The following DMRT1 variants were observed in gnomAD, a reference collection of about 807,000 sequenced individuals.
DMRT1 encodes the protein doublesex and mab-3 related transcription factor 1, also known as doublesex- and mab-3-related transcription factor 1.
DMRT1 carries 7 observed loss-of-function variants against 32.3 expected under a neutral mutation model. The observed-to-expected ratio is 0.22, with a 90% CI of 0.12 to 0.41. The LOEUF is 0.41. Ranked by LOEUF, DMRT1 falls within the 10% of genes least tolerant of loss-of-function variation. DMRT1 has a pLI of 1.00. For synonymous variants in DMRT1, 278 were observed against 206.1 expected, an observed-to-expected ratio of 1.35 and a Z score of -2.99; for missense variants, 625 against 500.5, an observed-to-expected ratio of 1.25 and a Z score of -2.37.
At chr9:943,159 A>G (rs1419068769) in intron 4 of DMRT1, among the ~76,000 whole-genome samples, 2 of 152,242 alleles carry the variant, frequency 1.3e-5, no homozygotes, top group Admixed American at 6.5e-5. Flanking sequence ...AGAAAAGCCA[A>G]CATAAAATTG....
chr9:880,552 C>A (rs908876435), intron 2 of DMRT1, among the ~76,000 whole-genome samples: 1 of 151,652 alleles, frequency 6.6e-6, no homozygotes, highest in African/African-American at 2.4e-5. Context: ...TATGGTGAAT[C>A]CCTGTCTCTA....
At chr9:939,634 T>G (rs1031251660) in intron 4 of DMRT1, among the ~76,000 whole-genome samples, 6 of 152,248 alleles carry the variant, frequency 3.9e-5, no homozygotes, top group African/African-American at 1.4e-4. Context: ...TATTCTCTGC[T>G]TAACTCCTAT....
At chr9:867,352 G>T (rs6477319) in intron 2 of DMRT1, among the ~76,000 whole-genome samples, 76,423 of 151,966 alleles carry the variant, frequency 0.5, 19,650 homozygotes, top group East Asian at 0.6. Flanking sequence ...TTCCTCTCTG[G>T]GAAGCCAGGA....
intron 2 of DMRT1, among the ~76,000 whole-genome samples, chr9:870,403 A>AAACTAACAACAAC (rs77281108): frequency 0.013 from 1,924 of 151,270 alleles, 19 homozygotes; most frequent in Middle Eastern, 0.024. Context: ...CTGTCTCAAA[A>AAACTAACAACAAC]AACAACAACA....
intron 4 of DMRT1, among the ~76,000 whole-genome samples, chr9:942,966 C>T (rs1362712705): frequency 6.6e-6 from 1 of 152,092 alleles, no homozygotes; most frequent in Non-Finnish European, 1.5e-5. Context: ...CCAGATCTGA[C>T]TTTAAACCTC....
chr9:859,393 G>A (rs563651015), intron 2 of DMRT1, among the ~76,000 whole-genome samples: 211 of 152,256 alleles, frequency 1.4e-3, no homozygotes, highest in African/African-American at 4.8e-3. Flanking sequence ...AGTGCCCTTA[G>A]TTGTACCGTG....
At chr9:957,125 G>A (rs570840618) in intron 4 of DMRT1, among the ~76,000 whole-genome samples, 20 of 151,930 alleles carry the variant, frequency 1.3e-4, no homozygotes, top group African/African-American at 4.1e-4. Context: ...AGTGTTGATC[G>A]CTGCCATCTT....
chr9:851,275 A>G (rs1269285080), intron 2 of DMRT1, among the ~76,000 whole-genome samples: 2 of 152,068 alleles, frequency 1.3e-5, no homozygotes, highest in East Asian at 1.9e-4. Flanking sequence ...GTCTCGCTCT[A>G]TCGCCCAGGC....
intron 3 of DMRT1, among the ~76,000 whole-genome samples, chr9:909,896 T>G (rs1174786808): frequency 6.6e-6 from 1 of 152,144 alleles, no homozygotes; most frequent in Non-Finnish European, 1.5e-5. Flanking sequence ...AAATTTTTTG[T>G]AGAGATGGAG....
chr9:847,340 C>T (rs1838951902), intron 2 of DMRT1, among the ~76,000 whole-genome samples, 197 bp downstream of exon 2: 1 of 152,218 alleles, frequency 6.6e-6, no homozygotes, highest in Non-Finnish European at 1.5e-5. Flanking sequence ...AATGCAGGTT[C>T]AACTCTTTCC....
intron 2 of DMRT1, 86 bp downstream of exon 2, chr9:847,229 G>T: frequency 7.2e-7 from 1 of 1,380,618 alleles, no homozygotes; most frequent in Non-Finnish European, 1.0e-6. Context: ...GCTCCCCTGA[G>T]CTACATACAG....
intron 2 of DMRT1, among the ~76,000 whole-genome samples, chr9:864,694 G>C (rs1369079596): frequency 6.6e-6 from 1 of 150,658 alleles, no homozygotes; most frequent in African/African-American, 2.4e-5. Context: ...TAGAGACAGG[G>C]TTTCACCATG....
intron 4 of DMRT1, among the ~76,000 whole-genome samples, chr9:924,444 A>T (rs16926092): frequency 0.028 from 4,204 of 152,206 alleles, 151 homozygotes; most frequent in African/African-American, 0.082. Flanking sequence ...CTATTTTTAT[A>T]TATGGATCAC....
chr9:929,147 A>G (rs2129846404), intron 4 of DMRT1, among the ~76,000 whole-genome samples: 1 of 152,232 alleles, frequency 6.6e-6, no homozygotes, highest in African/African-American at 2.4e-5. Context: ...CTTAAATTTT[A>G]GCACCCTGTA....
At chr9:878,737 T>A (rs566066509) in intron 2 of DMRT1, among the ~76,000 whole-genome samples, 7 of 152,288 alleles carry the variant, frequency 4.6e-5, no homozygotes, top group East Asian at 1.9e-4. Flanking sequence ...GGCCGTGTTG[T>A]GATTGTGATA....
chr9:886,075 C>A lies in DMRT1; in HGVS notation c.539-7837C>A, dbSNP rs549919603. Among the ~76,000 whole-genome samples the A allele has an allele frequency of 3.3e-5, 5 of 152,264 alleles. No individual in the cohort carries two copies. In the East Asian group the frequency reaches 9.6e-4, roughly 29 times the overall value. On this transcript the variant is annotated intron_variant, in intron 2 of 4. Coordinates refer to ENST00000382276, the MANE Select transcript of DMRT1 (RefSeq NM_021951.3). ...TTTCAGCAGACTCATTAAAATGTTT[C>A]CCTTCAATATACTTCTGTGGTTGCT...
At chr9:843,892 G>C (rs189913652) in intron 1 of DMRT1, among the ~76,000 whole-genome samples, 19 of 152,180 alleles carry the variant, frequency 1.2e-4, no homozygotes, top group African/African-American at 4.1e-4. Flanking sequence ...ATATTGTTTT[G>C]CTTAATTTCT....
chr9:937,832 A>G (rs1283284481), intron 4 of DMRT1, among the ~76,000 whole-genome samples: 1 of 151,522 alleles, frequency 6.6e-6, no homozygotes, highest in Non-Finnish European at 1.5e-5. Context: ...TTTTGCACAA[A>G]AGTTTTTTTT....
intron 4 of DMRT1, among the ~76,000 whole-genome samples, chr9:961,471 T>A (rs537300197): frequency 1.3e-5 from 2 of 152,308 alleles, no homozygotes; most frequent in South Asian, 4.1e-4. Context: ...GATGGTTTGC[T>A]TGATCGTGGG....
Sources: gnomAD v4.1 joint callset for allele counts (sites outside exome capture counted in the v4.1 genomes callset) on GRCh38, gnomAD v4.1.1 for gene constraint, MANE v1.5 for transcripts, NCBI Gene and HGNC (gene_info 2026-07-23, HGNC 2026-07-21) for gene names.